Variants in ANO3 observed in about 807,000 individuals in gnomAD.
The protein encoded by ANO3 is anoctamin-3.
A neutral mutation model predicts 144.8 loss-of-function variants in ANO3; 99 were observed. That is an observed-to-expected ratio of 0.68 (90% CI 0.58 to 0.81). The LOEUF is 0.81. ANO3 is among the 30% of genes least tolerant of loss of function. The pLI is 0.00. For synonymous variants in ANO3, 414 were observed against 392.6 expected (o/e 1.05, Z -0.64); for missense variants, 905 against 1,202.2 (o/e 0.75, Z 3.66).
Position 26,572,266 on chromosome 11 carries a change from G to A in ANO3, c.1447+12487G>A, listed in dbSNP as rs533559859. On this transcript the variant is annotated intron_variant, in intron 14 of 26. Coordinates refer to ENST00000256737, the MANE Select transcript of ANO3 (RefSeq NM_031418.4). ...CCTGCTTCTCAGCTGTAAGCATTAA[G>A]ATATCACCTCATTCAGGCCTTTAAC... The A allele has an allele frequency of 5.1e-5, 50 of 984,238 alleles. No homozygotes were observed. The South Asian group carries it at 2.1e-3, about 42-fold the overall frequency. The allele number at this position is 984,238 out of a possible 1,614,324, so 61.0% of individuals were successfully genotyped here.
In ANO3 at chr11:26,404,763, G is replaced by T. The variant is rs71480123; in HGVS notation, c.47-37155G>T. Among the ~76,000 whole-genome samples, 878 of 151,666 alleles carry T rather than the reference G, an allele frequency of 5.8e-3. 5 individuals are homozygous for T. The highest frequency in any genetic ancestry group is 9.8e-3 in the Non-Finnish European group (667 of 67,770). ...ATCTTGAGATAAAAATCTATGTGGAGAAATACAATAGCAGTTTTACAGAAA... is the reference window on the plus strand; with the variant it reads ...ATCTTGAGATAAAAATCTATGTGGATAAATACAATAGCAGTTTTACAGAAA... On this transcript the variant is annotated intron_variant, in intron 1 of 26. Transcript: ENST00000256737.
intron 14 of ANO3, among the ~76,000 whole-genome samples, chr11:26,591,332 G>A (rs575851851): frequency 4.6e-5 from 7 of 152,146 alleles, no homozygotes; most frequent in Non-Finnish European, 7.3e-5. Flanking sequence ...CAGGAGGGGT[G>A]CCTTTGATGT....
chr11:26,431,599 T>G (rs1858091509), intron 1 of ANO3, among the ~76,000 whole-genome samples: 1 of 152,170 alleles, frequency 6.6e-6, no homozygotes, highest in Non-Finnish European at 1.5e-5. Context: ...TTCCCTTCTA[T>G]ATGTCCATGT....
At chr11:26,206,505 A>T (rs1460757844) in intron 1 of ANO3, among the ~76,000 whole-genome samples, 3 of 152,188 alleles carry the variant, frequency 2.0e-5, no homozygotes, top group South Asian at 2.1e-4. Flanking sequence ...ATAAGAACTA[A>T]TATCTTCAAG....
At chr11:26,615,414 A>ATATATATTTTTTTTTT (rs1352935016) in intron 17 of ANO3, among the ~76,000 whole-genome samples, 1 of 130,696 alleles carries the variant, frequency 7.7e-6, no homozygotes, top group African/African-American at 3.0e-5. Flanking sequence ...ATATATATAT[A>ATATATATTTTTTTTTT]TTTTTTTTTT....
At chr11:26,541,133 G>C (rs1045502740) in intron 10 of ANO3, among the ~76,000 whole-genome samples, 2 of 151,978 alleles carry the variant, frequency 1.3e-5, no homozygotes, top group Non-Finnish European at 2.9e-5. Flanking sequence ...AGATGAGTTC[G>C]TGTTCTTTGC....
In ANO3 at chr11:26,661,298, T is replaced by G. The variant is rs1199643245; in HGVS notation, c.*854T>G. ...GGCTGTTTTATAGTTTATTTAATTT[T>G]TTCTCTATGATTTATTACAACTCTC... On this transcript the variant is annotated 3_prime_UTR_variant, in exon 27 of 27. Coordinates refer to ENST00000256737, the MANE Select transcript of ANO3 (RefSeq NM_031418.4). 1.3e-5 allele frequency: 2 copies of G among 152,574 alleles called. No homozygotes were observed. Among genetic ancestry groups the G allele is most frequent in the East Asian group, 3.9e-4 (2 of 5,188 alleles). The allele number at this position is 152,574 out of a possible 1,614,324, so 9.5% of individuals were successfully genotyped here.
chr11:26,365,987 TATATATATA>T (rs1366121840), intron 1 of ANO3, among the ~76,000 whole-genome samples: 32 of 1,360 alleles, frequency 0.024, no homozygotes, highest in African/African-American at 0.034. Context: ...TATATATATA[TATATATATA>T]TATATATTTT....
chr11:26,422,048 G>A (rs1018038791), intron 1 of ANO3, among the ~76,000 whole-genome samples: 12 of 151,932 alleles, frequency 7.9e-5, no homozygotes, highest in East Asian at 5.8e-4. Flanking sequence ...AAATGCCCAC[G>A]ACACAAGTTT....
At chr11:26,514,138 A>G (rs1012685498) in intron 5 of ANO3, among the ~76,000 whole-genome samples, 1 of 151,994 alleles carries the variant, frequency 6.6e-6, no homozygotes, top group Non-Finnish European at 1.5e-5. Flanking sequence ...CATTTAACTC[A>G]TCAAGTTAAA....
At chr11:26,303,496 A>C (rs1418620850) in intron 1 of ANO3, among the ~76,000 whole-genome samples, 1 of 152,160 alleles carries the variant, frequency 6.6e-6, no homozygotes, top group Non-Finnish European at 1.5e-5. Context: ...CTAAGTATCA[A>C]GTACATATGG....
chr11:26,232,534 A>C (rs2133803434), intron 1 of ANO3, among the ~76,000 whole-genome samples: 1 of 152,332 alleles, frequency 6.6e-6, no homozygotes, highest in Admixed American at 6.5e-5. Context: ...CAATAGGGAA[A>C]GGATTCCCTA....
intron 1 of ANO3, among the ~76,000 whole-genome samples, chr11:26,195,953 T>C (rs1242290978): frequency 6.6e-6 from 1 of 152,218 alleles, no homozygotes; most frequent in East Asian, 1.9e-4. Context: ...GAATACACAT[T>C]TAATGGGTGA....
At chr11:26,216,592 C>A (rs1852039996) in intron 1 of ANO3, among the ~76,000 whole-genome samples, 1 of 151,854 alleles carries the variant, frequency 6.6e-6, no homozygotes. Flanking sequence ...TATGTGCAAG[C>A]TTTGTATGAA....
intron 1 of ANO3, among the ~76,000 whole-genome samples, chr11:26,337,397 T>C (rs1344015278): frequency 6.6e-6 from 1 of 152,190 alleles, no homozygotes; most frequent in Non-Finnish European, 1.5e-5. Context: ...AATTTTAAAA[T>C]GTGAGTGTTT....
At chr11:26,345,971 C>A (rs541066089) in intron 1 of ANO3, among the ~76,000 whole-genome samples, 10 of 152,250 alleles carry the variant, frequency 6.6e-5, no homozygotes, top group African/African-American at 1.7e-4. Context: ...TTTTCATAAA[C>A]ACTATAAAAG....
At chr11:26,414,775 AG>A (rs1211923455) in intron 1 of ANO3, among the ~76,000 whole-genome samples, 1 of 151,226 alleles carries the variant, frequency 6.6e-6, no homozygotes, top group African/African-American at 2.4e-5. Context: ...AAAAAAAAAA[AG>A]AAAGAAAGTT....
At chr11:26,421,477 C>A (rs1394248861) in intron 1 of ANO3, among the ~76,000 whole-genome samples, 1 of 151,910 alleles carries the variant, frequency 6.6e-6, no homozygotes, top group African/African-American at 2.4e-5. Context: ...CCACTCTAAG[C>A]CCATCAGTTT....
intron 4 of ANO3, among the ~76,000 whole-genome samples, chr11:26,492,934 T>C (rs1359822507): frequency 1.3e-5 from 2 of 152,188 alleles, no homozygotes; most frequent in Non-Finnish European, 2.9e-5. Flanking sequence ...AATAAGTTAC[T>C]AATACTAGGC....
Sources: allele counts gnomAD v4.1 joint callset (sites outside exome capture counted in the v4.1 genomes callset), GRCh38; gene constraint gnomAD v4.1.1; transcripts MANE v1.5; gene names NCBI Gene and HGNC (gene_info 2026-07-23, HGNC 2026-07-21).